The following GUCA1C variants were observed in gnomAD, a reference collection of about 807,000 sequenced individuals.
The protein encoded by GUCA1C is guanylate cyclase activator 1C.
Under a neutral mutation model 16.2 loss-of-function variants are expected in GUCA1C, and 15 were observed. That is an observed-to-expected ratio of 0.93 (90% CI 0.62 to 1.43). The LOEUF (loss-of-function observed/expected upper bound fraction) is 1.43. Ranked by LOEUF, GUCA1C falls within the 40% of genes most tolerant of loss-of-function variation. The pLI, the probability that GUCA1C is intolerant of heterozygous loss-of-function variation, is 0.00. For synonymous variants in GUCA1C, 78 were observed against 85.4 expected (o/e 0.91, Z 0.48); for missense variants, 275 against 244.8 (o/e 1.12, Z -0.82).
intron 1 of GUCA1C, among the ~76,000 whole-genome samples, chr3:108,921,317 A>T (rs1946567173): frequency 6.6e-6 from 1 of 152,090 alleles, no homozygotes; most frequent in Admixed American, 6.6e-5. Flanking sequence ...CATTGTCTGG[A>T]TGTACCTCAG....
intron 1 of GUCA1C, among the ~76,000 whole-genome samples, chr3:108,939,374 C>G (rs1946763020): frequency 9.3e-6 from 1 of 107,198 alleles, no homozygotes; most frequent in Non-Finnish European, 1.9e-5. Context: ...CTCTGTCACC[C>G]AGGTGGGAGT....
rs954149183 is a variant in GUCA1C at position 108,919,747 on chromosome 3, G to A, written c.354+689C>T. Among the ~76,000 whole-genome samples, 5 of 152,010 alleles carry A rather than the reference G, an allele frequency of 3.3e-5. No individual in the cohort carries two copies. In the East Asian group the frequency reaches 5.8e-4, roughly 18 times the overall value. On this transcript the variant is annotated intron_variant, in intron 2 of 3. Coordinates refer to ENST00000261047, the MANE Select transcript of GUCA1C (RefSeq NM_005459.4). The stretch of plus-strand genomic sequence containing the variant: ...CTTCATCTATGAAACAAATAATTTG[G>A]ACCAGATCATTTCTAAGACATCTAA...
intron 3 of GUCA1C, among the ~76,000 whole-genome samples, chr3:108,910,774 C>A (rs567626667): frequency 2.0e-5 from 3 of 151,610 alleles, no homozygotes; most frequent in African/African-American, 7.3e-5. Flanking sequence ...CTCAGCCTCC[C>A]GAGTAGCTGG....
Position 108,945,979 on chromosome 3 carries a change from C to A in GUCA1C, c.204+7580G>T, listed in dbSNP as rs76379822. ...TCATTAGTTTCAAAATTGGCCACCG[C>A]GCGAGTATTTACTCTATGGAAATCA... On this transcript the variant is annotated intron_variant, in intron 1 of 3. Coordinates refer to ENST00000261047, the MANE Select transcript of GUCA1C (RefSeq NM_005459.4). Among the ~76,000 whole-genome samples the A allele has an allele frequency of 4.5e-3, 679 of 152,262 alleles. 8 individuals carry two copies. The highest frequency in any genetic ancestry group is 0.016 in the African/African-American group (652 of 41,536).
At chr3:108,936,312 TA>T (rs1383464685) in intron 1 of GUCA1C, among the ~76,000 whole-genome samples, 2 of 152,002 alleles carry the variant, frequency 1.3e-5, no homozygotes, top group African/African-American at 2.4e-5. Context: ...TATTTATTGC[TA>T]AGTATAAAAG....
rs71629371 is a variant in GUCA1C, at chr3:108,934,808, C to CTTTTTTTT, written c.205-14231_205-14224dup. 2.2e-3 allele frequency among the ~76,000 whole-genome samples: 193 copies of CTTTTTTTT among 86,106 alleles called. 16 individuals are homozygous for CTTTTTTTT. The highest frequency in any genetic ancestry group is 2.7e-3 in the African/African-American group (57 of 20,844). 56.5% of individuals were successfully genotyped at this position (86,106 alleles called of 152,430 possible). A position where few individuals can be genotyped will look rare whatever the true frequency, so the allele number is the denominator to read the frequency against. On this transcript the variant is annotated intron_variant, in intron 1 of 3. Transcript: ENST00000261047. ...ACATATTCTCACTTATGTTCTTGAT[C>CTTTTTTTT]TTTTTTTTTTTTTTTTTTTTTTTGA...
At chr3:108,925,436 G>A (rs1351414659) in intron 1 of GUCA1C, among the ~76,000 whole-genome samples, 1 of 152,082 alleles carries the variant, frequency 6.6e-6, no homozygotes, top group African/African-American at 2.4e-5. Flanking sequence ...TGGTTTTGAG[G>A]GTTCCTTTTG....
At chr3:108,911,588 A>G (rs961105490) in intron 3 of GUCA1C, among the ~76,000 whole-genome samples, 2 of 152,096 alleles carry the variant, frequency 1.3e-5, no homozygotes, top group African/African-American at 4.8e-5. Flanking sequence ...ATTTAGCAAC[A>G]TTTTACAGGA....
chr3:108,942,169 ATCTAC>A (rs1194982414), intron 1 of GUCA1C, among the ~76,000 whole-genome samples: 34 of 152,362 alleles, frequency 2.2e-4, no homozygotes, highest in Middle Eastern at 3.4e-3. Flanking sequence ...GAAAAATAGT[ATCTAC>A]TCTATAATAT....
At chr3:108,941,684 C>A (rs903591955) in intron 1 of GUCA1C, among the ~76,000 whole-genome samples, 7 of 152,104 alleles carry the variant, frequency 4.6e-5, no homozygotes, top group Admixed American at 2.0e-4. Context: ...TGGATAAAAC[C>A]CAGATGCCTA....
At chr3:108,908,375 C>T (rs567243989) in intron 3 of GUCA1C, among the ~76,000 whole-genome samples, 166 bp from the exon 4 acceptor site, 4 of 133,414 alleles carry the variant, frequency 3.0e-5, no homozygotes, top group Admixed American at 1.4e-4. Context: ...AAAAAAAAAG[C>T]ATTCACTGGT....
intron 1 of GUCA1C, among the ~76,000 whole-genome samples, chr3:108,951,570 T>G (rs1012879517): frequency 1.3e-5 from 2 of 152,210 alleles, no homozygotes; most frequent in Non-Finnish European, 2.9e-5. Flanking sequence ...ATTAAATATA[T>G]GACTTTTCCT....
chr3:108,930,203 T>C (rs530066328), intron 1 of GUCA1C, among the ~76,000 whole-genome samples: 3 of 152,350 alleles, frequency 2.0e-5, no homozygotes, highest in Non-Finnish European at 2.9e-5. Context: ...CAAGAAAACA[T>C]GCTGCAGGCT....
chr3:108,915,282 G>T (rs1946496580), intron 3 of GUCA1C, among the ~76,000 whole-genome samples: 1 of 152,220 alleles, frequency 6.6e-6, no homozygotes, highest in South Asian at 2.1e-4. Context: ...GTTTTGGAAT[G>T]ATGACAACTG....
chr3:108,942,152 C>T (rs552876242), intron 1 of GUCA1C, among the ~76,000 whole-genome samples: 9 of 152,098 alleles, frequency 5.9e-5, no homozygotes, highest in South Asian at 2.1e-4. Context: ...TGTGTAAATG[C>T]GGATGAGAAA....
In GUCA1C at chr3:108,953,602, T is replaced by C. The variant is rs1946920544; in HGVS notation, c.161A>G (p.Asn54Ser). Reference sequence around the variant, plus strand: ...ATTATAAACTTGATCAATATGTTTATTGGCCTTCTGATTCAGACCTTGCAG... The same window carrying C: ...ATTATAAACTTGATCAATATGTTTACTGGCCTTCTGATTCAGACCTTGCAG... ...LGLQGLNQKA[N>S]KHIDQVYNTF... The change falls in exon 1 of 4, where the codon AAT (asparagine) becomes AGT (serine). Residue 54 changes from asparagine to serine, a missense_variant. Asn to Ser is a conservative substitution (Grantham distance 46). Coordinates refer to ENST00000261047, the MANE Select transcript of GUCA1C (RefSeq NM_005459.4). 6 of 1,613,048 alleles carry C rather than the reference T, an allele frequency of 3.7e-6. No homozygotes were observed. Among genetic ancestry groups the C allele is most frequent in the Middle Eastern group, 1.7e-4 (1 of 6,052 alleles).
intron 1 of GUCA1C, among the ~76,000 whole-genome samples, chr3:108,928,664 T>G (rs1946642856): frequency 6.6e-6 from 1 of 152,226 alleles, no homozygotes; most frequent in Non-Finnish European, 1.5e-5. Flanking sequence ...CGTGGATGTT[T>G]CATTGTTTCA....
intron 1 of GUCA1C, among the ~76,000 whole-genome samples, chr3:108,943,601 G>T (rs1460207833): frequency 6.6e-6 from 1 of 152,142 alleles, no homozygotes; most frequent in African/African-American, 2.4e-5. Flanking sequence ...CACATTTGGG[G>T]TTTACATGCA....
At chr3:108,934,920 T>G (rs564175436) in intron 1 of GUCA1C, among the ~76,000 whole-genome samples, 27 of 145,674 alleles carry the variant, frequency 1.9e-4, no homozygotes, top group Non-Finnish European at 3.3e-4. Flanking sequence ...TTCACGCCAT[T>G]CTCCTGCCTC....
Sources: gnomAD v4.1 joint callset for allele counts (sites outside exome capture counted in the v4.1 genomes callset) on GRCh38, gnomAD v4.1.1 for gene constraint, MANE v1.5 for transcripts, NCBI Gene and HGNC (gene_info 2026-07-23, HGNC 2026-07-21) for gene names.